Variants in EPHB1 observed in about 807,000 individuals in gnomAD.
EPHB1 encodes EPH receptor B1, also known as ephrin type-B receptor 1.
A neutral mutation model predicts 94.4 loss-of-function variants in EPHB1; 30 were observed. The ratio of observed to expected loss-of-function variants is 0.32; its 90% confidence interval spans 0.24 to 0.43. The LOEUF (loss-of-function observed/expected upper bound fraction) is 0.43. EPHB1 is among the 20% of genes least tolerant of loss of function. The pLI, the probability that EPHB1 is intolerant of heterozygous loss-of-function variation, is 1.00. For missense variants in EPHB1, 1,055 were observed against 1,308.3 expected, an observed-to-expected ratio of 0.81 and a Z score of 2.99; for synonymous variants, 522 against 489.1, an observed-to-expected ratio of 1.07 and a Z score of -0.89.
intron 3 of EPHB1, among the ~76,000 whole-genome samples, chr3:134,963,017 TC>T (rs1933582756): frequency 6.6e-6 from 1 of 152,096 alleles, no homozygotes; most frequent in Non-Finnish European, 1.5e-5. Flanking sequence ...TTGGTTTTTG[TC>T]CCCCTGCTCT....
intron 3 of EPHB1, among the ~76,000 whole-genome samples, chr3:135,020,213 T>G (rs1935941924): frequency 6.6e-6 from 1 of 152,246 alleles, no homozygotes; most frequent in Non-Finnish European, 1.5e-5. Context: ...GTTACAATAT[T>G]TCTTCCCGTT....
chr3:134,941,798 C>CACACACACACACA (rs905075046), intron 2 of EPHB1, among the ~76,000 whole-genome samples: 1 of 140,638 alleles, frequency 7.1e-6, no homozygotes, highest in African/African-American at 2.6e-5. Context: ...CACACACACA[C>CACACACACACACA]AATCAGCCAG....
At position 135,140,410 on chromosome 3, in the gene EPHB1, A is replaced by C. The variant is rs143687031; in HGVS notation, c.1297+7361A>C. 9.2e-5 allele frequency among the ~76,000 whole-genome samples: 14 copies of C among 152,310 alleles called. No individual in the cohort carries two copies. The East Asian group carries it at 2.1e-3, about 23-fold the overall frequency. ...GATAGGCGTCTAGTTGGGTACCTGA[A>C]ATATAGAAAGCAATCAATAAACGTT... On this transcript the variant is annotated intron_variant, in intron 5 of 15. Transcript: ENST00000398015.
At chr3:134,970,698 G>A (rs1046366281) in intron 3 of EPHB1, among the ~76,000 whole-genome samples, 2 of 152,136 alleles carry the variant, frequency 1.3e-5, no homozygotes, top group Non-Finnish European at 2.9e-5. Context: ...TAGGCCACAC[G>A]GCTGCAGAGG....
At chr3:134,936,525 C>T (rs1215470176) in intron 2 of EPHB1, among the ~76,000 whole-genome samples, 1 of 152,136 alleles carries the variant, frequency 6.6e-6, no homozygotes, top group South Asian at 2.1e-4. Flanking sequence ...TTCCAGGGAG[C>T]TCCTTTGTCC....
At chr3:134,859,699 G>A (rs2037118) in intron 1 of EPHB1, among the ~76,000 whole-genome samples, 8,005 of 152,236 alleles carry the variant, frequency 0.053, 247 homozygotes, top group South Asian at 0.11. Context: ...CTACCCAAGA[G>A]CAATCATTCA....
chr3:134,816,845 G>A lies in EPHB1; in HGVS notation c.58+21156G>A, dbSNP rs552432686. ...ACCTGACATGACGTATCATGGCCAA[G>A]AGTCGCAGGCGTCTCAGTGGTTAGG... On this transcript the variant is annotated intron_variant, in intron 1 of 15. Coordinates refer to ENST00000398015, the MANE Select transcript of EPHB1 (RefSeq NM_004441.5). Among the ~76,000 whole-genome samples the A allele has an allele frequency of 8.5e-5, 13 of 152,202 alleles. No homozygotes were observed. The South Asian group carries it at 2.5e-3, about 29-fold the overall frequency.
chr3:134,995,458 T>G (rs1934958727), intron 3 of EPHB1, among the ~76,000 whole-genome samples: 2 of 152,200 alleles, frequency 1.3e-5, no homozygotes, highest in African/African-American at 4.8e-5. Flanking sequence ...ATAACATTCA[T>G]GTACATGTTT....
intron 5 of EPHB1, among the ~76,000 whole-genome samples, chr3:135,149,715 C>G (rs1417998617): frequency 1.3e-5 from 2 of 152,280 alleles, no homozygotes; most frequent in Non-Finnish European, 2.9e-5. Context: ...TAAATCCCAT[C>G]GTAATAAAAT....
Position 135,049,202 on chromosome 3 carries a change from T to A in EPHB1, c.806-57246T>A, listed in dbSNP as rs7618505. 5.4e-3 allele frequency among the ~76,000 whole-genome samples: 830 copies of A among 152,344 alleles called. 9 individuals are homozygous for A. The highest frequency in any genetic ancestry group is 0.019 in the African/African-American group (772 of 41,572). On this transcript the variant is annotated intron_variant, in intron 3 of 15. Transcript: ENST00000398015. Reference sequence around the variant, plus strand: ...TTAAAAGCACCTCCTTGCCTGAATATTTGAATCAAATTACATCTTTAAGCC... The same window carrying A: ...TTAAAAGCACCTCCTTGCCTGAATAATTGAATCAAATTACATCTTTAAGCC...
intron 2 of EPHB1, among the ~76,000 whole-genome samples, chr3:134,926,544 A>G (rs574031090): frequency 7.2e-5 from 11 of 152,326 alleles, no homozygotes; most frequent in African/African-American, 2.6e-4. Context: ...AAGACGTTCT[A>G]AGTAGGAGGA....
chr3:135,130,808 G>A (rs541432984), intron 4 of EPHB1, among the ~76,000 whole-genome samples: 1 of 152,170 alleles, frequency 6.6e-6, no homozygotes, highest in Non-Finnish European at 1.5e-5. Flanking sequence ...TATAAAGCAA[G>A]CACTCAGTGA....
At chr3:134,872,751 C>G (rs1001251603) in intron 1 of EPHB1, among the ~76,000 whole-genome samples, 1 of 152,194 alleles carries the variant, frequency 6.6e-6, no homozygotes, top group Non-Finnish European at 1.5e-5. Context: ...TCCCCCTCCC[C>G]ACATCATGCA....
At chr3:135,073,876 G>A (rs143653927) in intron 3 of EPHB1, among the ~76,000 whole-genome samples, 188 of 152,128 alleles carry the variant, frequency 1.2e-3, no homozygotes, top group African/African-American at 4.2e-3. Flanking sequence ...GGTGTTTAGC[G>A]TGTTCCTCTG....
chr3:134,965,784 C>A (rs1041993986), intron 3 of EPHB1, among the ~76,000 whole-genome samples: 29 of 152,040 alleles, frequency 1.9e-4, no homozygotes, highest in African/African-American at 7.0e-4. Context: ...CTTCTGCAGC[C>A]CTGGAGGCTA....
At chr3:135,236,161 G>A (rs773024896) in intron 12 of EPHB1, among the ~76,000 whole-genome samples, 1 of 152,160 alleles carries the variant, frequency 6.6e-6, no homozygotes, top group South Asian at 2.1e-4. Flanking sequence ...TGTTGGCAGG[G>A]TCGTTCTCCC....
chr3:135,025,063 G>T (rs376778650), intron 3 of EPHB1, among the ~76,000 whole-genome samples: 5 of 147,406 alleles, frequency 3.4e-5, no homozygotes, highest in South Asian at 4.3e-4. Flanking sequence ...TAAATGTAGC[G>T]TGTTTAGATT....
chr3:135,035,348 CCA>C (rs1203209541), intron 3 of EPHB1, among the ~76,000 whole-genome samples: 1 of 152,184 alleles, frequency 6.6e-6, no homozygotes, highest in African/African-American at 2.4e-5. Context: ...TGGCTTCTAC[CCA>C]CAGAGTTGAG....
chr3:135,018,977 G>A (rs1351296267), intron 3 of EPHB1, among the ~76,000 whole-genome samples: 1 of 151,882 alleles, frequency 6.6e-6, no homozygotes, highest in South Asian at 2.2e-4. Flanking sequence ...AGAGGCATGA[G>A]GCAGAGAGGA....
Sources: gnomAD v4.1 joint callset for allele counts (sites outside exome capture counted in the v4.1 genomes callset) on GRCh38, gnomAD v4.1.1 for gene constraint, MANE v1.5 for transcripts, NCBI Gene and HGNC (gene_info 2026-07-23, HGNC 2026-07-21) for gene names.